The following ZNF609 variants were observed in gnomAD, a reference collection of about 807,000 sequenced individuals.
ZNF609 encodes the protein zinc finger protein 609.
In ZNF609, 11 loss-of-function variants were observed where a neutral mutation model predicts 109.5. That is an observed-to-expected ratio of 0.10 (90% CI 0.06 to 0.17). ZNF609 has a LOEUF of 0.17. Among genes scored for constraint, ZNF609 ranks in the 10% least tolerant of loss-of-function variants. The probability of loss-of-function intolerance (pLI) is 1.00; values close to 1 mark genes in which losing one functional copy is unlikely to be tolerated. For synonymous variants in ZNF609, 646 were observed against 662.0 expected (o/e 0.98, Z 0.37); for missense variants, 1,559 against 1,772.4 (o/e 0.88, Z 2.16).
intron 1 of ZNF609, among the ~76,000 whole-genome samples, chr15:64,477,397 CCCAAAGTGCTGAGATTACAG>C (rs1378236181): frequency 2.6e-5 from 4 of 151,940 alleles, no homozygotes; most frequent in African/African-American, 7.2e-5. Context: ...GCCTCAGCCT[CCCAAAGTGCTGAGATTACAG>C]GCGTGAGCCA....
chr15:64,491,962 C>G (rs1300509646), intron 1 of ZNF609, among the ~76,000 whole-genome samples: 1 of 152,134 alleles, frequency 6.6e-6, no homozygotes, highest in Non-Finnish European at 1.5e-5. Context: ...CCACATCGAG[C>G]CAGGCGTGGT....
intron 3 of ZNF609, among the ~76,000 whole-genome samples, chr15:64,657,904 G>C (rs1342816618): frequency 6.6e-6 from 1 of 151,916 alleles, no homozygotes; most frequent in Non-Finnish European, 1.5e-5. Flanking sequence ...TCCTGGCTAT[G>C]CCCAAAGTTT....
chr15:64,599,168 G>GTTTTTTTTTTTTTT (rs556122154), intron 2 of ZNF609, among the ~76,000 whole-genome samples: 13 of 46,498 alleles, frequency 2.8e-4, no homozygotes, highest in East Asian at 6.6e-4. Flanking sequence ...TTTTGTGGTG[G>GTTTTTTTTTTTTTT]TTTTTTTTTT....
chr15:64,674,426 C>T lies in ZNF609; in HGVS notation c.1572C>T (p.Asp524=). Residue 524 remains aspartate (D), a synonymous_variant, in exon 5 of 10, where the codon GAC becomes GAT. Transcript: ENST00000326648. ...YHQAHAHTDD[D]SKPEADGDSE... is the part of the protein sequence containing the mutation. ...AAGCTCATGCCCATACAGATGATGA[C>T]AGCAAGCCGGAAGCGGATGGGGACA... 6.2e-7 allele frequency: 1 copy of T among 1,614,182 alleles called. No homozygotes were observed. Among genetic ancestry groups the T allele is most frequent in the Non-Finnish European group, 8.5e-7 (1 of 1,180,052 alleles).
At chr15:64,530,732 A>C (rs1367782835) in intron 2 of ZNF609, among the ~76,000 whole-genome samples, 1 of 152,248 alleles carries the variant, frequency 6.6e-6, no homozygotes, top group Non-Finnish European at 1.5e-5. Flanking sequence ...GTAACTGCCA[A>C]GAGGTCTTCA....
intron 2 of ZNF609, among the ~76,000 whole-genome samples, chr15:64,573,606 G>A (rs550212342): frequency 1.3e-5 from 2 of 151,160 alleles, no homozygotes; most frequent in East Asian, 2.0e-4. Context: ...CTCGTGATCC[G>A]CCCACCTCGG....
intron 5 of ZNF609, among the ~76,000 whole-genome samples, chr15:64,676,751 A>T (rs1896815799): frequency 6.8e-6 from 1 of 146,970 alleles, no homozygotes; most frequent in Admixed American, 6.8e-5. Context: ...ATTTTATTTT[A>T]TTTATTTATT....
At chr15:64,661,209 G>T (rs939764719) in intron 3 of ZNF609, among the ~76,000 whole-genome samples, 3 of 152,082 alleles carry the variant, frequency 2.0e-5, no homozygotes, top group African/African-American at 7.2e-5. Context: ...CAGTCCTCCC[G>T]CCTTGGCCTC....
intron 2 of ZNF609, among the ~76,000 whole-genome samples, chr15:64,509,903 A>G (rs1354461881): frequency 6.6e-6 from 1 of 152,244 alleles, no homozygotes; most frequent in African/African-American, 2.4e-5. Context: ...CAGAACAGTC[A>G]AGAGAAGAAT....
At chr15:64,534,936 G>A (rs1449360801) in intron 2 of ZNF609, among the ~76,000 whole-genome samples, 1 of 151,870 alleles carries the variant, frequency 6.6e-6, no homozygotes, top group African/African-American at 2.4e-5. Context: ...AGGAGGCTAA[G>A]TCAGGAGAAT....
chr15:64,638,557 G>A (rs1413286891), intron 3 of ZNF609, among the ~76,000 whole-genome samples: 1 of 151,734 alleles, frequency 6.6e-6, no homozygotes. Context: ...GGGGGAGGGG[G>A]GATCAGAGCA....
chr15:64,537,843 T>G (rs1446281764), intron 2 of ZNF609, among the ~76,000 whole-genome samples: 1 of 152,076 alleles, frequency 6.6e-6, no homozygotes, highest in African/African-American at 2.4e-5. Context: ...TCGCCTGTAA[T>G]CCCAGCACTT....
At chr15:64,528,844 A>T (rs1425050420) in intron 2 of ZNF609, 4 of 856,090 alleles carry the variant, frequency 4.7e-6, no homozygotes, top group African/African-American at 1.7e-5. Context: ...TCTGGTGCTC[A>T]TTGTAGCCCA....
intron 2 of ZNF609, among the ~76,000 whole-genome samples, chr15:64,520,489 T>C (rs1893876790): frequency 6.6e-6 from 1 of 152,216 alleles, no homozygotes; most frequent in Non-Finnish European, 1.5e-5. Flanking sequence ...GTTGTGAATG[T>C]TGTTTCCGTA....
chr15:64,488,774 A>G (rs1402262929), intron 1 of ZNF609, among the ~76,000 whole-genome samples: 1 of 152,114 alleles, frequency 6.6e-6, no homozygotes, highest in Non-Finnish European at 1.5e-5. Context: ...CCCTGAGACT[A>G]TGAATTTGAC....
At chr15:64,598,531 T>C (rs550649147) in intron 2 of ZNF609, among the ~76,000 whole-genome samples, 14 of 151,978 alleles carry the variant, frequency 9.2e-5, no homozygotes, top group African/African-American at 3.4e-4. Flanking sequence ...AAAGTAGAGT[T>C]AAATTTAACA....
intron 3 of ZNF609, among the ~76,000 whole-genome samples, chr15:64,634,550 T>TAAAA: frequency 6.6e-6 from 1 of 152,300 alleles, no homozygotes; most frequent in South Asian, 2.1e-4. Context: ...AATATCTAAT[T>TAAAA]TTAGATATTT....
chr15:64,495,954 G>A (rs536235705), intron 1 of ZNF609, among the ~76,000 whole-genome samples: 144 of 152,072 alleles, frequency 9.5e-4, no homozygotes, highest in African/African-American at 3.4e-3. Context: ...AAGTAAGTGG[G>A]ATTACAGGCA....
intron 2 of ZNF609, among the ~76,000 whole-genome samples, chr15:64,621,001 A>G (rs1895867197): frequency 6.6e-6 from 1 of 152,206 alleles, no homozygotes; most frequent in African/African-American, 2.4e-5. Context: ...TCTTCTCTGA[A>G]TGTCTCTATT....
Sources: gnomAD v4.1 joint callset for allele counts (sites outside exome capture counted in the v4.1 genomes callset) on GRCh38, gnomAD v4.1.1 for gene constraint, MANE v1.5 for transcripts, NCBI Gene and HGNC (gene_info 2026-07-23, HGNC 2026-07-21) for gene names.